Variants in SPATA13 observed in about 807,000 individuals in gnomAD.
SPATA13 encodes spermatogenesis associated 13.
Under a neutral mutation model 104.0 loss-of-function variants are expected in SPATA13, and 50 were observed. That is an observed-to-expected ratio of 0.48 (90% CI 0.38 to 0.61). The LOEUF (loss-of-function observed/expected upper bound fraction) is 0.61, where lower values mean the gene tolerates loss of function less well. SPATA13 is among the 20% of genes least tolerant of loss of function. The probability of loss-of-function intolerance (pLI) is 0.00; values close to 1 mark genes in which losing one functional copy is unlikely to be tolerated. For synonymous variants in SPATA13, 606 were observed against 667.5 expected (o/e 0.91, Z 1.42); for missense variants, 1,524 against 1,690.6 (o/e 0.90, Z 1.73).
chr13:24,151,708 C>T (rs1436386635), intron 3 of SPATA13, among the ~76,000 whole-genome samples: 1 of 152,090 alleles, frequency 6.6e-6, no homozygotes, highest in African/African-American at 2.4e-5. Flanking sequence ...GGCTCAGCTT[C>T]CTTATCTGTA....
chr13:24,111,185 A>C (rs4569111), intron 3 of SPATA13, among the ~76,000 whole-genome samples: 1 of 151,706 alleles, frequency 6.6e-6, no homozygotes, highest in Non-Finnish European at 1.5e-5. Context: ...GGCCAGATAC[A>C]TGCATGAGCC....
Position 24,185,849 on chromosome 13 carries a change from T to A in SPATA13, c.-112+24917T>A, listed in dbSNP as rs1266329268. Among the ~76,000 whole-genome samples, 4 of 151,796 alleles carry A rather than the reference T, an allele frequency of 2.6e-5. No homozygotes were observed. The East Asian group carries it at 7.7e-4, about 29-fold the overall frequency. ...GAGAGAGAGAGATTAAGGAATTGGC[T>A]CATGTGATTGTGAAGCCTGGCAAGT... is the stretch of plus-strand genomic sequence containing the variant. On this transcript the variant is annotated intron_variant, in intron 1 of 12. Coordinates refer to ENST00000382108, the MANE Select transcript of SPATA13 (RefSeq NM_001166271.3).
chr13:24,096,345 T>C (rs1043140306), intron 3 of SPATA13, among the ~76,000 whole-genome samples: 1 of 152,124 alleles, frequency 6.6e-6, no homozygotes, highest in Non-Finnish European at 1.5e-5. Context: ...CCTGTAATCC[T>C]AGCACTTTGA....
rs1182653811 is a variant in SPATA13, at chr13:24,026,845, C to T, written c.-112+9144C>T. Among the ~76,000 whole-genome samples the T allele has an allele frequency of 2.0e-5, 3 of 152,044 alleles. No homozygotes were observed. In the South Asian group the frequency reaches 6.2e-4, roughly 32 times the overall value. On this transcript the variant is annotated intron_variant, in intron 3 of 14. Coordinates refer to the SPATA13 transcript ENST00000424834. ...GCCCTTGTGATCCTGACCTTGTGACCTTTGCCTCCGCCTCCCAAAGTGTTG... is the reference window on the plus strand; with the variant it reads ...GCCCTTGTGATCCTGACCTTGTGACTTTTGCCTCCGCCTCCCAAAGTGTTG...
At chr13:24,002,773 G>A (rs890198315) in intron 2 of SPATA13, among the ~76,000 whole-genome samples, 3 of 152,076 alleles carry the variant, frequency 2.0e-5, no homozygotes, top group Non-Finnish European at 4.4e-5. Context: ...TTTCCTACCC[G>A]CTGCTGCTCT....
Position 24,161,310 on chromosome 13 carries a change from G to T in SPATA13, c.-112+378G>T, listed in dbSNP as rs1414244731. 2.0e-5 allele frequency among the ~76,000 whole-genome samples: 3 copies of T among 152,224 alleles called. No homozygotes were observed. Among genetic ancestry groups the T allele is most frequent in the African/African-American group, 7.2e-5 (3 of 41,476 alleles). On this transcript the variant is annotated intron_variant, in intron 1 of 12. Coordinates refer to ENST00000382108, the MANE Select transcript of SPATA13 (RefSeq NM_001166271.3). The surrounding 1 kb of genome is among the most constrained non-coding windows in gnomAD (Gnocchi z 4.5). Reference sequence around the variant, plus strand: ...TACAGGGGCGGCCGTGGGGGTGGCAGAGTCTGGGGAGCCTGGCGCGGCGGA... The same window carrying T: ...TACAGGGGCGGCCGTGGGGGTGGCATAGTCTGGGGAGCCTGGCGCGGCGGA...
Position 24,223,231 on chromosome 13 carries a change from C to T in SPATA13, c.302C>T (p.Thr101Ile), listed in dbSNP as rs1871706727. 6.4e-7 allele frequency: 1 copy of T among 1,551,614 alleles called. No homozygotes were observed. Among genetic ancestry groups the T allele is most frequent in the African/African-American group, 1.4e-5 (1 of 73,074 alleles). Residue 101 changes from threonine to isoleucine, a missense_variant, in exon 2 of 13, where the codon ACA (threonine) becomes ATA (isoleucine). Physicochemically the swap from Thr to Ile is moderately conservative, Grantham distance 89 (BLOSUM62 -1). Coordinates refer to ENST00000382108, the MANE Select transcript of SPATA13 (RefSeq NM_001166271.3). ...ATGGTCCTGGTGGGGAACTCCTCCA[C>T]ATGGAACACCCTCGCCTCCTTCCGG... ...HSMVLVGNSS[T>I]WNTLASFRKM...
chr13:24,168,087 G>A lies in SPATA13; in HGVS notation c.-112+7155G>A, dbSNP rs566304489. On this transcript the variant is annotated intron_variant, in intron 1 of 12. Coordinates refer to ENST00000382108, the MANE Select transcript of SPATA13 (RefSeq NM_001166271.3). ...ACATCTGAAGGACATTTTTCATGTC[G>A]ACTTCATGAGCCTTCTGTGAACCCT... 3.3e-5 allele frequency among the ~76,000 whole-genome samples: 5 copies of A among 152,026 alleles called. No individual in the cohort carries two copies. In the East Asian group the frequency reaches 9.7e-4, roughly 29 times the overall value.
At chr13:24,074,115 C>A (rs1879250046) in intron 3 of SPATA13, among the ~76,000 whole-genome samples, 1 of 150,116 alleles carries the variant, frequency 6.7e-6, no homozygotes, top group African/African-American at 2.5e-5. Flanking sequence ...TTTGTACATC[C>A]AATCTTCAGG....
At chr13:24,061,838 TCAAATGTACCCCA>T (rs1397072658) in intron 3 of SPATA13, among the ~76,000 whole-genome samples, 1 of 150,022 alleles carries the variant, frequency 6.7e-6, no homozygotes, top group African/African-American at 2.5e-5. Flanking sequence ...ATAACAGACT[TCAAATGTACCCCA>T]AACCTAACAT....
rs2138785351 is a variant in SPATA13, at chr13:24,303,595, A to G, written c.*822A>G. The G allele has an allele frequency of 1.3e-5, 2 of 155,048 alleles. No individual in the cohort carries two copies. The highest frequency in any genetic ancestry group is 3.2e-3 in the Middle Eastern group (1 of 310). The allele number at this position is 155,048 out of a possible 1,614,324, so 9.6% of individuals were successfully genotyped here. A position where few individuals can be genotyped will look rare whatever the true frequency, so the allele number is the denominator to read the frequency against. On this transcript the variant is annotated 3_prime_UTR_variant, in exon 13 of 13. Transcript: ENST00000382108. The stretch of plus-strand genomic sequence containing the variant: ...CGAGCAGAAATCACATCTTGCCCAC[A>G]TGCTGTAACCTAAGAAACTGCTATG...
chr13:24,021,652 G>A (rs1302640900), intron 3 of SPATA13, among the ~76,000 whole-genome samples: 5 of 152,100 alleles, frequency 3.3e-5, no homozygotes, highest in Admixed American at 1.3e-4. Context: ...TGTATACGCC[G>A]TGCATTGGGC....
intron 2 of SPATA13, among the ~76,000 whole-genome samples, chr13:24,002,679 C>T (rs568292452): frequency 5.3e-5 from 8 of 152,250 alleles, no homozygotes; most frequent in African/African-American, 9.6e-5. Context: ...AAGCCTCGTC[C>T]GGCTCCTTGA....
chr13:24,122,301 A>G, intron 3 of SPATA13: 3 of 1,373,100 alleles, frequency 2.2e-6, no homozygotes, highest in South Asian at 1.2e-5. Flanking sequence ...GTTTGAAACT[A>G]TTCAAACTAT....
intron 3 of SPATA13, among the ~76,000 whole-genome samples, chr13:24,040,466 G>A (rs1055637991): frequency 6.6e-6 from 1 of 152,148 alleles, no homozygotes; most frequent in African/African-American, 2.4e-5. Flanking sequence ...CCCTTGACAG[G>A]AAACCAGGTG....
At chr13:24,134,544 C>A (rs940577272) in intron 3 of SPATA13, among the ~76,000 whole-genome samples, 1 of 151,938 alleles carries the variant, frequency 6.6e-6, no homozygotes, top group Non-Finnish European at 1.5e-5. Flanking sequence ...GGAAATGCTT[C>A]CAGGAGAGAG....
chr13:24,028,311 G>A (rs112986785), intron 3 of SPATA13, among the ~76,000 whole-genome samples: 1 of 152,096 alleles, frequency 6.6e-6, no homozygotes, highest in Non-Finnish European at 1.5e-5. Flanking sequence ...TATCTTGTTG[G>A]TATACTGCTC....
chr13:24,286,358 G>C lies in SPATA13; in HGVS notation c.2446G>C (p.Asp816His), dbSNP rs1331100189. The C allele has an allele frequency of 6.2e-7, 1 of 1,612,910 alleles. No individual in the cohort carries two copies. The highest frequency in any genetic ancestry group is 8.5e-7 in the Non-Finnish European group (1 of 1,180,016). Residue 816 changes from aspartate (D) to histidine (H), a missense_variant, in exon 6 of 13, where the codon GAT (aspartate) becomes CAT (histidine). Physicochemically the swap from Asp to His is moderately conservative, Grantham distance 81. This residue lies in a region of SPATA13 where 1,089 missense variants were observed against 1,135.9 expected (regional missense o/e 0.96). Transcript: ENST00000382108. This position sits in a 1 kb window ranked among gnomAD's most constrained non-coding sequence, Gnocchi z 4.9. ...NKDWWWGRSE[D>H]KEAWFPASFV... ...GGACTGGTGGTGGGGCCGCAGTGAAGATAAGGAAGCCTGGTTCCCCGCGAG... is the reference window on the plus strand; with the variant it reads ...GGACTGGTGGTGGGGCCGCAGTGAACATAAGGAAGCCTGGTTCCCCGCGAG...
chr13:23,999,745 T>C (rs1191726923), intron 2 of SPATA13, among the ~76,000 whole-genome samples: 1 of 152,242 alleles, frequency 6.6e-6, no homozygotes, highest in Non-Finnish European at 1.5e-5. Flanking sequence ...GTGTTTCTTA[T>C]ATTTAGGTTG....
Sources: gnomAD v4.1 joint callset for allele counts (sites outside exome capture counted in the v4.1 genomes callset) on GRCh38, gnomAD v4.1.1 for gene constraint, gnomAD v4.1.1 regional missense constraint, Gnocchi (gnomAD v3.1) non-coding constraint, MANE v1.5 for transcripts, NCBI Gene and HGNC (gene_info 2026-07-23, HGNC 2026-07-21) for gene names.